Variants in ROCK2 observed in about 807,000 individuals in gnomAD.
ROCK2 encodes Rho associated coiled-coil containing protein kinase 2, also known as rho-associated protein kinase 2.
Under a neutral mutation model 195.1 loss-of-function variants are expected in ROCK2, and 61 were observed. The observed-to-expected ratio is 0.31, with a 90% CI of 0.25 to 0.39. The LOEUF (loss-of-function observed/expected upper bound fraction) is 0.39, where lower values mean the gene tolerates loss of function less well. Ranked by LOEUF, ROCK2 falls within the 10% of genes least tolerant of loss-of-function variation. ROCK2 has a pLI of 1.00. For synonymous variants in ROCK2, 504 were observed against 545.5 expected (o/e 0.92, Z 1.06); for missense variants, 1,109 against 1,637.4 (o/e 0.68, Z 5.57).
intron 1 of ROCK2, among the ~76,000 whole-genome samples, chr2:11,339,051 T>C (rs1180209459): frequency 1.3e-5 from 2 of 152,204 alleles, no homozygotes; most frequent in African/African-American, 4.8e-5. Context: ...TAAATAGGTG[T>C]GTGCATTTGT....
chr2:11,201,633 A>G lies in ROCK2; in HGVS notation c.2620-220T>C, dbSNP rs2148044807. On this transcript the variant is annotated intron_variant, in intron 21 of 32. Transcript: ENST00000315872. This position sits in a 1 kb window ranked among gnomAD's most constrained non-coding sequence, Gnocchi z 4.6. ...TAAGAAGCATGATTTTCAACTGGAT[A>G]TCACAGTGATATTTCTCATTTAATA... 6.6e-6 allele frequency among the ~76,000 whole-genome samples: 1 copy of G among 152,344 alleles called. No homozygotes were observed. The highest frequency in any genetic ancestry group is 2.4e-5 in the African/African-American group (1 of 41,588).
chr2:11,313,275 C>T (rs1668092516), intron 1 of ROCK2, among the ~76,000 whole-genome samples: 2 of 152,008 alleles, frequency 1.3e-5, no homozygotes, highest in African/African-American at 4.8e-5. Context: ...TGTAAACCTA[C>T]AACTGTTCTA....
At chr2:11,311,383 T>C (rs1186245293) in intron 1 of ROCK2, among the ~76,000 whole-genome samples, 4 of 152,124 alleles carry the variant, frequency 2.6e-5, no homozygotes, top group Non-Finnish European at 5.9e-5. Flanking sequence ...AGCTCTGAAG[T>C]TGAGAAGCCT....
chr2:11,335,471 T>C (rs1012789184), intron 1 of ROCK2, among the ~76,000 whole-genome samples: 3 of 152,196 alleles, frequency 2.0e-5, no homozygotes, highest in Admixed American at 6.5e-5. Context: ...TTAAAAGCTG[T>C]AAGTTGCACT....
chr2:11,216,507 CTTT>C (rs1226828453), intron 12 of ROCK2, among the ~76,000 whole-genome samples: 2 of 144,762 alleles, frequency 1.4e-5, no homozygotes, highest in African/African-American at 2.6e-5. Context: ...TTCTTTCTTT[CTTT>C]TTTCTTTTTT....
Position 11,337,246 on chromosome 2 carries a change from GA to G in ROCK2, c.141+6749del, listed in dbSNP as rs774024004. ...GGCAACTCAGCAAGACTCTACCTCAGAAAAAAAAAAAAAGAGACAGAGAGAG... is the reference window on the plus strand; with the variant it reads ...GGCAACTCAGCAAGACTCTACCTCAGAAAAAAAAAAAAGAGACAGAGAGAG... On this transcript the variant is annotated intron_variant, in intron 1 of 32. Transcript: ENST00000315872. Among the ~76,000 whole-genome samples the G allele has an allele frequency of 3.5e-3, 368 of 105,198 alleles. 1 individual carries two copies. Among genetic ancestry groups the G allele is most frequent in the African/African-American group, 7.8e-3 (219 of 28,054 alleles). 69.0% of individuals were successfully genotyped at this position (105,198 alleles called of 152,430 possible).
rs371119461 is a variant in ROCK2, at chr2:11,192,273, T to C, written c.4038A>G (p.Lys1346=). 5 of 1,613,952 alleles carry C rather than the reference T, an allele frequency of 3.1e-6. No homozygotes were observed. In the African/African-American group the frequency reaches 5.3e-5, roughly 17 times the overall value. ...EQQKWVSRLV[K]KIPKKPPAPD... ...GAGCTGGGGGCTTTTTAGGTATCTTTTTCACCAACCGACTAACCCACTTCT... is the reference window on the plus strand; with the variant it reads ...GAGCTGGGGGCTTTTTAGGTATCTTCTTCACCAACCGACTAACCCACTTCT... The change falls in exon 32 of 33, where the codon AAA becomes AAG. Residue 1346 remains lysine, a synonymous_variant. Coordinates refer to ENST00000315872, the MANE Select transcript of ROCK2 (RefSeq NM_004850.5). The surrounding 1 kb of genome is among the most constrained non-coding windows in gnomAD (Gnocchi z 5.0).
At chr2:11,228,152 T>C (rs1161446568) in intron 5 of ROCK2, among the ~76,000 whole-genome samples, 1 of 152,146 alleles carries the variant, frequency 6.6e-6, no homozygotes, top group African/African-American at 2.4e-5. Flanking sequence ...TGCTAAATGG[T>C]ATTTCTTTAC....
At chr2:11,240,767 A>G (rs1396713491) in intron 4 of ROCK2, among the ~76,000 whole-genome samples, 4 of 152,228 alleles carry the variant, frequency 2.6e-5, no homozygotes, top group African/African-American at 9.6e-5. Context: ...TGCTATGCAA[A>G]TTATACCTCA....
chr2:11,278,820 G>A (rs1468031587), intron 3 of ROCK2, among the ~76,000 whole-genome samples: 2 of 152,140 alleles, frequency 1.3e-5, no homozygotes, highest in Admixed American at 6.5e-5. Context: ...TGCCATGTTC[G>A]CCAGGCTGGT....
intron 1 of ROCK2, among the ~76,000 whole-genome samples, chr2:11,297,365 C>A (rs1328983950): frequency 6.6e-6 from 1 of 151,876 alleles, no homozygotes; most frequent in Non-Finnish European, 1.5e-5. Flanking sequence ...ATTAATAACT[C>A]ATAATAAAAT....
At chr2:11,225,985 C>A (rs1664798903) in intron 6 of ROCK2, among the ~76,000 whole-genome samples, 1 of 152,158 alleles carries the variant, frequency 6.6e-6, no homozygotes, top group Non-Finnish European at 1.5e-5. Flanking sequence ...TTGCAATTTA[C>A]CGAAAATTTC....
At chr2:11,274,999 G>A (rs557725231) in intron 3 of ROCK2, among the ~76,000 whole-genome samples, 1 of 152,304 alleles carries the variant, frequency 6.6e-6, no homozygotes, top group East Asian at 1.9e-4. Flanking sequence ...GCTCATGCCT[G>A]TAATCCCAGC....
intron 4 of ROCK2, among the ~76,000 whole-genome samples, chr2:11,241,877 C>T (rs1204581401): frequency 6.6e-6 from 1 of 152,140 alleles, no homozygotes; most frequent in South Asian, 2.1e-4. Flanking sequence ...GGAGAAGGGG[C>T]TTTTGGGAAA....
At chr2:11,284,841 T>C (rs914365517) in intron 3 of ROCK2, among the ~76,000 whole-genome samples, 2 of 152,224 alleles carry the variant, frequency 1.3e-5, no homozygotes, top group Non-Finnish European at 2.9e-5. Flanking sequence ...ATCTGGCCAA[T>C]GTTCTTTCCC....
intron 4 of ROCK2, among the ~76,000 whole-genome samples, chr2:11,245,222 ATAT>A (rs1044047457): frequency 6.7e-6 from 1 of 149,672 alleles, no homozygotes; most frequent in African/African-American, 2.4e-5. Flanking sequence ...AATATAAATT[ATAT>A]TATAAATCAT....
chr2:11,239,902 TCA>T (rs1665362795), intron 4 of ROCK2, among the ~76,000 whole-genome samples: 1 of 152,212 alleles, frequency 6.6e-6, no homozygotes, highest in Non-Finnish European at 1.5e-5. Flanking sequence ...CTAGGATGAC[TCA>T]CAGAACTCAG....
chr2:11,272,423 TAATCTAAA>T (rs1666670693), intron 3 of ROCK2, among the ~76,000 whole-genome samples: 1 of 152,256 alleles, frequency 6.6e-6, no homozygotes, highest in Non-Finnish European at 1.5e-5. Context: ...TTTAAATTAT[TAATCTAAA>T]AGCTAGTATT....
chr2:11,267,893 C>T lies in ROCK2; in HGVS notation c.325-18095G>A, dbSNP rs549894355. Among the ~76,000 whole-genome samples, 6 of 151,844 alleles carry T rather than the reference C, an allele frequency of 4.0e-5. No homozygotes were observed. The South Asian group carries it at 1.0e-3, about 26-fold the overall frequency. On this transcript the variant is annotated intron_variant, in intron 3 of 32. Transcript: ENST00000315872. Reference sequence around the variant, plus strand: ...AACTCCTGGCCTCAGGAGATCTGCCCGCCTCAGCCTCCCAAAATGCTGGGA... The same window carrying T: ...AACTCCTGGCCTCAGGAGATCTGCCTGCCTCAGCCTCCCAAAATGCTGGGA...
Sources: gnomAD v4.1 joint callset for allele counts (sites outside exome capture counted in the v4.1 genomes callset) on GRCh38, gnomAD v4.1.1 for gene constraint, Gnocchi (gnomAD v3.1) non-coding constraint, MANE v1.5 for transcripts, NCBI Gene and HGNC (gene_info 2026-07-23, HGNC 2026-07-21) for gene names.